ZNF469: variants seen among roughly 807,000 people sequenced by gnomAD.
ZNF469 encodes zinc finger protein 469.
In ZNF469, 1 loss-of-function variant was observed where a neutral mutation model predicts 1.0. The ratio of observed to expected loss-of-function variants is 1.00; its 90% confidence interval spans 0.35 to 4.73. The LOEUF (loss-of-function observed/expected upper bound fraction) is 4.73, where lower values mean the gene tolerates loss of function less well. Among genes scored for constraint, ZNF469 ranks in the 30% most tolerant of loss-of-function variants. The pLI is 0.16. For missense variants in ZNF469, 6,100 were observed against 5,356.3 expected, an observed-to-expected ratio of 1.14 and a Z score of -4.33; for synonymous variants, 2,703 against 2,363.4, an observed-to-expected ratio of 1.14 and a Z score of -4.17.
chr16:88,156,444 G>T, the ZNF469 span, among the ~76,000 whole-genome samples: 1 of 152,144 alleles, frequency 6.6e-6, no homozygotes, highest in Non-Finnish European at 1.5e-5. Context: ...CCATCCTATT[G>T]CACATGGATA....
the ZNF469 span, among the ~76,000 whole-genome samples, chr16:88,244,393 G>GTGGATGGATGGA: frequency 1.5e-5 from 2 of 131,248 alleles, no homozygotes; most frequent in Admixed American, 7.4e-5. Context: ...GAATGCATGG[G>GTGGATGGATGGA]TGGATGGATG....
At chr16:88,381,163 C>G (rs528826609), upstream of ZNF469, among the ~76,000 whole-genome samples, 3 of 144,812 alleles carry the variant, frequency 2.1e-5, no homozygotes, top group Non-Finnish European at 4.5e-5. Flanking sequence ...CACACAGACA[C>G]GCCCTCACAC....
the ZNF469 span, among the ~76,000 whole-genome samples, chr16:88,137,447 C>T: frequency 6.6e-6 from 1 of 152,128 alleles, no homozygotes; most frequent in African/African-American, 2.4e-5. Context: ...CGTGTGTGTG[C>T]AGCTATGCAT....
the ZNF469 span, among the ~76,000 whole-genome samples, chr16:88,182,594 G>C: frequency 6.6e-6 from 1 of 152,010 alleles, no homozygotes; most frequent in Admixed American, 6.6e-5. Flanking sequence ...TGTATATATG[G>C]TCAATAGATC....
chr16:88,103,381 C>T, the ZNF469 span, among the ~76,000 whole-genome samples: 1 of 152,248 alleles, frequency 6.6e-6, no homozygotes, highest in African/African-American at 2.4e-5. Flanking sequence ...CTGAGCTCTC[C>T]ACCTGCTGGG....
At chr16:88,341,248 T>C in the ZNF469 span, among the ~76,000 whole-genome samples, 4 of 152,312 alleles carry the variant, frequency 2.6e-5, no homozygotes, top group African/African-American at 9.6e-5. Flanking sequence ...GCCCGCCTGG[T>C]GCACTGAATG....
At chr16:88,425,910 C>A (rs566109213) in intron 2 of ZNF469, among the ~76,000 whole-genome samples, 23 of 152,274 alleles carry the variant, frequency 1.5e-4, no homozygotes, top group Middle Eastern at 3.4e-3. Context: ...CCTCGCCCAC[C>A]CTGGAGACCT....
chr16:88,205,880 G>A, the ZNF469 span, among the ~76,000 whole-genome samples: 1 of 152,184 alleles, frequency 6.6e-6, no homozygotes, highest in Non-Finnish European at 1.5e-5. This position sits in a 1 kb window ranked among gnomAD's most constrained non-coding sequence, Gnocchi z 4.2. Context: ...ACCAAAGAAA[G>A]TCGGCAATGA....
chr16:88,291,375 T>C, the ZNF469 span, among the ~76,000 whole-genome samples: 1 of 152,176 alleles, frequency 6.6e-6, no homozygotes, highest in Non-Finnish European at 1.5e-5. Context: ...AATCCTGAGC[T>C]ATCGGACGTA....
At chr16:88,303,651 G>A in the ZNF469 span, among the ~76,000 whole-genome samples, 28 of 152,312 alleles carry the variant, frequency 1.8e-4, no homozygotes, top group Admixed American at 5.2e-4. Context: ...TGATGGCTCC[G>A]GCGGTGCCTC....
At chr16:88,401,704 T>TGGGTGGGTGG (rs2142274644) in intron 1 of ZNF469, among the ~76,000 whole-genome samples, 1 of 117,262 alleles carries the variant, frequency 8.5e-6, no homozygotes, top group East Asian at 2.3e-4. Flanking sequence ...GATGGATGGA[T>TGGGTGGGTGG]ATATGGGTAG....
At chr16:88,216,657 T>A in the ZNF469 span, among the ~76,000 whole-genome samples, 1 of 152,244 alleles carries the variant, frequency 6.6e-6, no homozygotes, top group Non-Finnish European at 1.5e-5. Flanking sequence ...ATGTACCTAG[T>A]TGTGCCTTTG....
the ZNF469 span, among the ~76,000 whole-genome samples, chr16:88,215,776 G>A: frequency 6.6e-6 from 1 of 151,912 alleles, no homozygotes; most frequent in Non-Finnish European, 1.5e-5. Flanking sequence ...TTACCTTAGC[G>A]ATTAAAACAG....
chr16:88,205,097 G>A, the ZNF469 span, among the ~76,000 whole-genome samples: 5 of 152,308 alleles, frequency 3.3e-5, no homozygotes, highest in African/African-American at 1.2e-4. This position sits in a 1 kb window ranked among gnomAD's most constrained non-coding sequence, Gnocchi z 4.2. Flanking sequence ...CCAGCAGCTT[G>A]CATTCCCTGT....
chr16:88,118,044 A>G, the ZNF469 span, among the ~76,000 whole-genome samples: 2 of 152,144 alleles, frequency 1.3e-5, no homozygotes, highest in African/African-American at 4.8e-5. Context: ...CTGGATTCAC[A>G]CCATTCCCCT....
chr16:88,313,186 C>A, the ZNF469 span, among the ~76,000 whole-genome samples: 1 of 152,060 alleles, frequency 6.6e-6, no homozygotes, highest in African/African-American at 2.4e-5. Flanking sequence ...TCTGAGATAT[C>A]TTTTTGTTGC....
chr16:88,156,185 C>G, the ZNF469 span, among the ~76,000 whole-genome samples: 6 of 152,066 alleles, frequency 3.9e-5, no homozygotes, highest in Non-Finnish European at 8.8e-5. Flanking sequence ...GTAGTTTCTC[C>G]CATTGTGTGT....
At chr16:88,366,086 CCAT>C in the ZNF469 span, among the ~76,000 whole-genome samples, 2 of 121,132 alleles carry the variant, frequency 1.7e-5, no homozygotes, top group African/African-American at 6.8e-5. Context: ...ACCATCATCA[CCAT>C]CATCATCACC....
the ZNF469 span, among the ~76,000 whole-genome samples, chr16:88,239,289 T>A: frequency 6.6e-6 from 1 of 152,176 alleles, no homozygotes; most frequent in Non-Finnish European, 1.5e-5. Flanking sequence ...TGAAAAGTAG[T>A]TGTTTTAATT....
Sources: gnomAD v4.1 joint callset for allele counts (sites outside exome capture counted in the v4.1 genomes callset) on GRCh38, gnomAD v4.1.1 for gene constraint, Gnocchi (gnomAD v3.1) non-coding constraint, MANE v1.5 for transcripts, NCBI Gene and HGNC (gene_info 2026-07-23, HGNC 2026-07-21) for gene names.